TIRAP: variants seen among roughly 807,000 people sequenced by gnomAD.
TIRAP encodes the protein TIR domain containing adaptor protein.
In TIRAP, 20 loss-of-function variants were observed where a neutral mutation model predicts 19.8. The observed-to-expected ratio is 1.01, with a 90% CI of 0.71 to 1.47. TIRAP has a LOEUF of 1.47. TIRAP is among the 40% of genes most tolerant of loss of function. TIRAP has a pLI of 0.00. For synonymous variants in TIRAP, 125 were observed against 121.7 expected (o/e 1.03, Z -0.18); for missense variants, 276 against 285.1 (o/e 0.97, Z 0.23).
intron 1 of TIRAP, among the ~76,000 whole-genome samples, chr11:126,285,222 A>G (rs889841092): frequency 1.3e-5 from 1 of 75,278 alleles, no homozygotes; most frequent in African/African-American, 4.0e-5. Context: ...TAAGACATTT[A>G]TTGGATATAT....
At chr11:126,283,205 GGGGTGGGCGACGGAGCGC>G (rs1951275743) in intron 1 of TIRAP, 52 bp downstream of exon 1, 1 of 940,636 alleles carries the variant, frequency 1.1e-6, no homozygotes, top group East Asian at 1.2e-4. Flanking sequence ...GGGGCTCCGT[GGGGTGGGCGACGGAGCGC>G]GGCCGGCCTG....
rs761929898 is a variant in TIRAP at position 126,293,054 on chromosome 11, T to C, written c.645T>C (p.Arg215=). The change falls in exon 4 of 5, where the codon CGT becomes CGC. Residue 215 remains arginine, a splice_region_variant and synonymous_variant. Transcript: ENST00000392679. The stretch of plus-strand genomic sequence containing the variant: ...GTCAAGTCAAAGAAGCTGTCATGCG[T>C]TGTAAGCTACTACAGGAGGGAGAAG... ...GFRQVKEAVM[R]YLQTLS The C allele has an allele frequency of 6.2e-6, 10 of 1,614,058 alleles. No homozygotes were observed. In the African/African-American group the frequency reaches 1.3e-4, roughly 22 times the overall value.
intron 1 of TIRAP, among the ~76,000 whole-genome samples, chr11:126,289,168 T>C (rs1300757132): frequency 6.6e-6 from 1 of 152,240 alleles, no homozygotes; most frequent in Non-Finnish European, 1.5e-5. Flanking sequence ...GCTGCTATGG[T>C]TTAAGTTCTA....
Position 126,294,385 on chromosome 11 carries a change from T to C in TIRAP, c.*698T>C. 2.6e-6 allele frequency: 1 copy of C among 383,304 alleles called. No individual in the cohort carries two copies. Among genetic ancestry groups the C allele is most frequent in the Non-Finnish European group, 5.1e-6 (1 of 194,460 alleles). The allele number at this position is 383,304 out of a possible 1,614,324, so 23.7% of individuals were successfully genotyped here. On this transcript the variant is annotated 3_prime_UTR_variant, in exon 5 of 5. Transcript: ENST00000392679. Reference sequence around the variant, plus strand: ...CACAAACCTAGAAGCCTAGAGGCCATTCTGAATATGGGGGTGGGGTGGTGG... The same window carrying C: ...CACAAACCTAGAAGCCTAGAGGCCACTCTGAATATGGGGGTGGGGTGGTGG...
intron 1 of TIRAP, among the ~76,000 whole-genome samples, chr11:126,284,360 T>C (rs374810443): frequency 5.9e-5 from 9 of 152,180 alleles, no homozygotes; most frequent in African/African-American, 2.2e-4. Flanking sequence ...GTGTGTGACG[T>C]CTGACATTCA....
At chr11:126,289,695 G>A (rs1426529975) in intron 1 of TIRAP, 76 of 985,348 alleles carry the variant, frequency 7.7e-5, no homozygotes, top group Non-Finnish European at 8.4e-6. Context: ...CCCTGTGCCA[G>A]TTGCTCTGCC....
intron 1 of TIRAP, among the ~76,000 whole-genome samples, chr11:126,285,481 T>C (rs1854642856): frequency 6.6e-6 from 1 of 151,080 alleles, no homozygotes; most frequent in Non-Finnish European, 1.5e-5. Flanking sequence ...AGGCTGATCT[T>C]GAACTCCTGA....
intron 1 of TIRAP, among the ~76,000 whole-genome samples, chr11:126,283,742 G>GAGCAACAC (rs1951283274): frequency 6.6e-6 from 1 of 152,190 alleles, no homozygotes; most frequent in African/African-American, 2.4e-5. Context: ...TACCCTAGAA[G>GAGCAACAC]TGCAACAGAG....
chr11:126,290,292 G>A lies in TIRAP; in HGVS notation c.-216-170G>A, dbSNP rs1951364587. On this transcript the variant is annotated intron_variant, in intron 1 of 4. Coordinates refer to ENST00000392679, the MANE Select transcript of TIRAP (RefSeq NM_001318777.2). The surrounding 1 kb of genome is among the most constrained non-coding windows in gnomAD (Gnocchi z 4.9). ...TTTGACATGACCTTCCTGAGCTGAC[G>A]GCTGCAGGGGCGATGGGTCTATGGA... Among the ~76,000 whole-genome samples the A allele has an allele frequency of 6.6e-6, 1 of 152,178 alleles. No homozygotes were observed. The highest frequency in any genetic ancestry group is 2.1e-4 in the South Asian group (1 of 4,830).
chr11:126,283,232 T>C (rs1441258078), intron 1 of TIRAP, 79 bp downstream of exon 1: 1 of 827,624 alleles, frequency 1.2e-6, no homozygotes, highest in Non-Finnish European at 1.5e-6. Flanking sequence ...GCGGCCGGCC[T>C]GGGCCCCAGA....
chr11:126,284,338 A>G (rs1199028119), intron 1 of TIRAP, among the ~76,000 whole-genome samples: 2 of 151,928 alleles, frequency 1.3e-5, no homozygotes, highest in African/African-American at 4.8e-5. Flanking sequence ...CCAGCCCTTC[A>G]TGTACTCTTA....
At position 126,288,182 on chromosome 11, in the gene TIRAP, T is replaced by G. The variant is rs1193582530; in HGVS notation, c.-216-2280T>G. Among the ~76,000 whole-genome samples the G allele has an allele frequency of 6.6e-6, 1 of 152,254 alleles. No homozygotes were observed. The highest frequency in any genetic ancestry group is 2.4e-5 in the African/African-American group (1 of 41,480). On this transcript the variant is annotated intron_variant, in intron 1 of 4. Transcript: ENST00000392679. The surrounding 1 kb of genome is among the most constrained non-coding windows in gnomAD (Gnocchi z 5.0). ...GGCATGAGCCACTGAGCCCGTTCCC[T>G]TTACTAATTTTCTATCAAGTCATAG...
At chr11:126,285,261 A>ATATATATATATATATATAT (rs776825456) in intron 1 of TIRAP, among the ~76,000 whole-genome samples, 1 of 51,262 alleles carries the variant, frequency 2.0e-5, no homozygotes, top group Non-Finnish European at 4.9e-5. Context: ...ATATATATAT[A>ATATATATATATATATATAT]ATATATATTT....
At position 126,291,878 on chromosome 11, in the gene TIRAP, G is replaced by A. The variant is rs1951393833; in HGVS notation, c.68-599G>A. On this transcript the variant is annotated intron_variant, in intron 3 of 4. Coordinates refer to ENST00000392679, the MANE Select transcript of TIRAP (RefSeq NM_001318777.2). This position sits in a 1 kb window ranked among gnomAD's most constrained non-coding sequence, Gnocchi z 5.6. ...GGGCTGGGGGTACCAGATATCAAAGGGCCTGGAGTAGTGCAAGGCCATTTC... is the reference window on the plus strand; with the variant it reads ...GGGCTGGGGGTACCAGATATCAAAGAGCCTGGAGTAGTGCAAGGCCATTTC... 6.6e-6 allele frequency among the ~76,000 whole-genome samples: 1 copy of A among 151,904 alleles called. No individual in the cohort carries two copies. The highest frequency in any genetic ancestry group is 2.4e-5 in the African/African-American group (1 of 41,234).
chr11:126,283,105 G>GAGCCCGCGCAGTCCGCGC lies in TIRAP; in HGVS notation c.-259_-242dup, dbSNP rs1255230013. The GAGCCCGCGCAGTCCGCGC allele has an allele frequency of 6.1e-6, 6 of 985,148 alleles. No homozygotes were observed. Among genetic ancestry groups the GAGCCCGCGCAGTCCGCGC allele is most frequent in the Non-Finnish European group, 7.2e-6 (6 of 829,874 alleles). The allele number at this position is 985,148 out of a possible 1,614,324, so 61.0% of individuals were successfully genotyped here. ...GGCCTGCGCGCTGCTCTTCCCCGCG[G>GAGCCCGCGCAGTCCGCGC]AGCCCGCGCAGTCCGCGCAGCCCTC... is the stretch of plus-strand genomic sequence containing the variant. On this transcript the variant is annotated 5_prime_UTR_variant, in exon 1 of 5. Transcript: ENST00000392679.
At chr11:126,283,736 C>T (rs926722579) in intron 1 of TIRAP, among the ~76,000 whole-genome samples, 14 of 152,178 alleles carry the variant, frequency 9.2e-5, no homozygotes, top group African/African-American at 3.4e-4. Flanking sequence ...ACAGCATACC[C>T]TAGAAGTGCA....
At position 126,291,535 on chromosome 11, in the gene TIRAP, G is replaced by C. The variant is rs761805889; in HGVS notation, c.67+574G>C. The stretch of plus-strand genomic sequence containing the variant: ...TTCAGCAACTAAGACAGGTCCACAA[G>C]TCCACAGTCAAAGCCGTGTCCCTGA... On this transcript the variant is annotated intron_variant, in intron 3 of 4. Transcript: ENST00000392679. This position sits in a 1 kb window ranked among gnomAD's most constrained non-coding sequence, Gnocchi z 5.6. 7 of 703,130 alleles carry C rather than the reference G, an allele frequency of 1.0e-5. No homozygotes were observed. In the Admixed American group the frequency reaches 1.2e-4, roughly 12 times the overall value. 43.6% of individuals were successfully genotyped at this position (703,130 alleles called of 1,614,324 possible). A position where few individuals can be genotyped will look rare whatever the true frequency, so the allele number is the denominator to read the frequency against.
chr11:126,283,284 T>C (rs8177348), intron 1 of TIRAP, 131 bp downstream of exon 1: 279,011 of 372,752 alleles, frequency 0.75, 106,042 homozygotes, highest in East Asian at 0.99. Context: ...GCGCCGCCTC[T>C]GGTCCGGCCT....
At chr11:126,293,270 C>A in intron 4 of TIRAP, 1 of 840,782 alleles carries the variant, frequency 1.2e-6, no homozygotes. Context: ...TCCTCACTGA[C>A]CAACAGGTTT....
Sources: gnomAD v4.1 joint callset for allele counts (sites outside exome capture counted in the v4.1 genomes callset) on GRCh38, gnomAD v4.1.1 for gene constraint, Gnocchi (gnomAD v3.1) non-coding constraint, MANE v1.5 for transcripts, NCBI Gene and HGNC (gene_info 2026-07-23, HGNC 2026-07-21) for gene names.